Variants in TBX4 observed in about 807,000 individuals in gnomAD.
The protein encoded by TBX4 is T-box transcription factor 4.
A neutral mutation model predicts 54.6 loss-of-function variants in TBX4; 13 were observed. The ratio of observed to expected loss-of-function variants is 0.24; its 90% CI spans 0.15 to 0.38. The LOEUF (loss-of-function observed/expected upper bound fraction) is 0.38. Among genes scored for constraint, TBX4 ranks in the 10% least tolerant of loss-of-function variants. TBX4 has a pLI of 1.00. For synonymous variants in TBX4, 314 were observed against 306.7 expected (o/e 1.02, Z -0.25); for missense variants, 631 against 728.5 (o/e 0.87, Z 1.54).
At position 61,452,429 on chromosome 17, in the gene TBX4, G is replaced by A. The variant is rs910009850; in HGVS notation, c.-152G>A. On this transcript the variant is annotated 5_prime_UTR_variant, in exon 1 of 9. Coordinates refer to ENST00000644296, the MANE Select transcript of TBX4 (RefSeq NM_001321120.2). Reference sequence around the variant, plus strand: ...AGATCAAGGGCCCGCTCCAGAGCCGGGATGTGTCCAGCCCCGAGGGCACGG... The same window carrying A: ...AGATCAAGGGCCCGCTCCAGAGCCGAGATGTGTCCAGCCCCGAGGGCACGG... 1 of 152,348 alleles carries A rather than the reference G, an allele frequency of 6.6e-6. No individual in the cohort carries two copies. The highest frequency in any genetic ancestry group is 2.4e-5 in the African/African-American group (1 of 41,454). 9.4% of individuals were successfully genotyped at this position (152,348 alleles called of 1,614,324 possible). A position where few individuals can be genotyped will look rare whatever the true frequency, so the allele number is the denominator to read the frequency against.
At chr17:61,467,699 G>T in intron 5 of TBX4, 42 bp downstream of exon 5, 2 of 1,613,514 alleles carry the variant, frequency 1.2e-6, no homozygotes, top group Non-Finnish European at 1.7e-6. Context: ...CAAGTCTGGG[G>T]CAGTTTTAGG....
At chr17:61,454,870 G>A (rs1308532537) in intron 1 of TBX4, among the ~76,000 whole-genome samples, 5 of 152,228 alleles carry the variant, frequency 3.3e-5, no homozygotes. Flanking sequence ...CCCGCAGGCC[G>A]CCACATCTGG....
chr17:61,473,510 AG>A (rs2060596028), intron 5 of TBX4, among the ~76,000 whole-genome samples: 1 of 152,228 alleles, frequency 6.6e-6, no homozygotes, highest in Non-Finnish European at 1.5e-5. Context: ...CTAATCTGCC[AG>A]TGGGGACCCA....
In TBX4 at chr17:61,476,550, C is replaced by T. The variant is rs1000024485; in HGVS notation, c.550-2077C>T. ...GGTGTTTTCCAGGCCCAGTTCCTCTCGCCACAGGAGCATCCCCAGCGTCCT... is the reference window on the plus strand; with the variant it reads ...GGTGTTTTCCAGGCCCAGTTCCTCTTGCCACAGGAGCATCCCCAGCGTCCT... On this transcript the variant is annotated intron_variant, in intron 5 of 8. Coordinates refer to ENST00000644296, the MANE Select transcript of TBX4 (RefSeq NM_001321120.2). The surrounding 1 kb of genome is among the most constrained non-coding windows in gnomAD (Gnocchi z 6.5). Among the ~76,000 whole-genome samples, 8 of 152,200 alleles carry T rather than the reference C, an allele frequency of 5.3e-5. No individual in the cohort carries two copies. The highest frequency in any genetic ancestry group is 1.3e-4 in the Admixed American group (2 of 15,292).
intron 5 of TBX4, among the ~76,000 whole-genome samples, chr17:61,477,153 G>A (rs2060626172): frequency 6.6e-6 from 1 of 152,238 alleles, no homozygotes; most frequent in African/African-American, 2.4e-5. Flanking sequence ...GGACCCGAGG[G>A]CCCGCCTGGC....
Position 61,483,581 on chromosome 17 carries a change from G to GC in TBX4, c.*66dup, listed in dbSNP as rs2060682103. The GC allele has an allele frequency of 1.9e-6, 3 of 1,600,618 alleles. No homozygotes were observed. In the South Asian group the frequency reaches 3.3e-5, roughly 18 times the overall value. On this transcript the variant is annotated 3_prime_UTR_variant, in exon 9 of 9. Coordinates refer to ENST00000644296, the MANE Select transcript of TBX4 (RefSeq NM_001321120.2). This position sits in a 1 kb window ranked among gnomAD's most constrained non-coding sequence, Gnocchi z 6.6. The stretch of plus-strand genomic sequence containing the variant: ...CAGTATTAACCTCTGTGGGTGGCCT[G>GC]CACTCTACCAAGAAACACAGGAAGG...
Position 61,483,501 on chromosome 17 carries a change from C to G in TBX4, c.1626C>G (p.Asn542Lys). 6.2e-7 allele frequency: 1 copy of G among 1,614,154 alleles called. No individual in the cohort carries two copies. Among genetic ancestry groups the G allele is most frequent in the Non-Finnish European group, 8.5e-7 (1 of 1,180,040 alleles). Residue 542 changes from asparagine (N) to lysine (K), a missense_variant, in exon 9 of 9, where the codon AAC becomes AAG. Asn to Lys is a moderately conservative substitution (Grantham distance 94). Around this residue, in one of 3 missense-constraint regions of TBX4, gnomAD observed 354 missense variants for 368.9 expected, o/e 0.96. Transcript: ENST00000644296. This position sits in a 1 kb window ranked among gnomAD's most constrained non-coding sequence, Gnocchi z 6.6. ...ATTCAGGAATGGGGACTGTGGAGAA[C>G]TGGACTGACGGATGACTCTCACGTC... ...QYHSGMGTVE[N>K]WTDG
At position 61,475,321 on chromosome 17, in the gene TBX4, T is replaced by C. The variant is rs17601584; in HGVS notation, c.550-3306T>C. On this transcript the variant is annotated intron_variant, in intron 5 of 8. Transcript: ENST00000644296. The surrounding 1 kb of genome is among the most constrained non-coding windows in gnomAD (Gnocchi z 5.0). ...TACATAAGGCATTTACTGAGCCCCA[T>C]ATACTGGCAGCAGTGGTAGGAGGGG... Among the ~76,000 whole-genome samples the C allele has an allele frequency of 0.2, 30,909 of 152,156 alleles. 3,312 individuals are homozygous for C. Among genetic ancestry groups the C allele is most frequent in the Middle Eastern group, 0.23 (68 of 294 alleles).
intron 5 of TBX4, among the ~76,000 whole-genome samples, chr17:61,471,523 G>A (rs1168186202): frequency 6.7e-6 from 1 of 149,960 alleles, no homozygotes; most frequent in Non-Finnish European, 1.5e-5. Context: ...GGCAACCATG[G>A]CTACCAATTT....
Position 61,459,475 on chromosome 17 carries a change from C to T in TBX4, c.281+1844C>T, listed in dbSNP as rs962402677. On this transcript the variant is annotated intron_variant, in intron 3 of 8. Transcript: ENST00000644296. The surrounding 1 kb of genome is among the most constrained non-coding windows in gnomAD (Gnocchi z 4.8). ...GCCATTTTTAGGCAGCAGAAATAAC[C>T]TTGTCTCTTGAAAATAACTGGCCAG... is the stretch of plus-strand genomic sequence containing the variant. 1.3e-5 allele frequency among the ~76,000 whole-genome samples: 2 copies of T among 152,178 alleles called. No homozygotes were observed. The highest frequency in any genetic ancestry group is 4.8e-5 in the African/African-American group (2 of 41,440).
intron 1 of TBX4, among the ~76,000 whole-genome samples, chr17:61,455,372 AGCTCCGCTG>A (rs1473649306): frequency 6.6e-6 from 1 of 152,196 alleles, no homozygotes; most frequent in Non-Finnish European, 1.5e-5. Context: ...ACCTACAGAA[AGCTCCGCTG>A]GAGCGCCCAG....
Position 61,478,841 on chromosome 17 carries a change from C to CAGGCAGAG in TBX4, c.702+71_702+78dup, listed in dbSNP as rs2060641377. Reference sequence around the variant, plus strand: ...AACACCACCCTGCGTTCTCTTCCACCAGGCAGAGAGGCAGAGTGTGAAGCC... The same window carrying CAGGCAGAG: ...AACACCACCCTGCGTTCTCTTCCACCAGGCAGAGAGGCAGAGAGGCAGAGTGTGAAGCC... On this transcript the variant is annotated intron_variant, in intron 6 of 8. Transcript: ENST00000644296. The surrounding 1 kb of genome is among the most constrained non-coding windows in gnomAD (Gnocchi z 7.4). 13 of 1,611,136 alleles carry CAGGCAGAG rather than the reference C, an allele frequency of 8.1e-6. No individual in the cohort carries two copies. In the South Asian group the frequency reaches 1.1e-4, roughly 14 times the overall value.
chr17:61,455,387 C>T (rs1012161783), intron 1 of TBX4, among the ~76,000 whole-genome samples: 3 of 152,216 alleles, frequency 2.0e-5, no homozygotes, highest in Admixed American at 2.0e-4. Context: ...CGCTGGAGCG[C>T]CCAGGTCCAG....
chr17:61,478,629 C>A lies in TBX4; in HGVS notation c.552C>A (p.Ile184=). Residue 184 remains isoleucine (I), a splice_region_variant and synonymous_variant, in exon 6 of 9, where the codon ATC becomes ATA. Transcript: ENST00000644296. The surrounding 1 kb of genome is among the most constrained non-coding windows in gnomAD (Gnocchi z 7.4). The part of the protein sequence containing the change: ...TNNHLDPFGH[I]ILNSMHKYQP... The stretch of plus-strand genomic sequence containing the variant: ...AGCATGAGACCCTTCTCTTCCAGAT[C>A]ATCCTCAACTCTATGCACAAGTACC... 6.2e-7 allele frequency: 1 copy of A among 1,614,204 alleles called. No individual in the cohort carries two copies. The highest frequency in any genetic ancestry group is 8.5e-7 in the Non-Finnish European group (1 of 1,180,024).
intron 5 of TBX4, among the ~76,000 whole-genome samples, chr17:61,473,719 ACCCTCAGT>A (rs1413737616): frequency 6.6e-6 from 1 of 152,182 alleles, no homozygotes; most frequent in Non-Finnish European, 1.5e-5. Context: ...CACCTCCCTG[ACCCTCAGT>A]CCCTTGCCTG....
At chr17:61,463,035 G>T (rs1323639902) in intron 3 of TBX4, 1 of 152,374 alleles carries the variant, frequency 6.6e-6, no homozygotes, top group Non-Finnish European at 1.5e-5. Flanking sequence ...AGGGGACAGA[G>T]GGGGCCTCAC....
intron 1 of TBX4, among the ~76,000 whole-genome samples, chr17:61,455,986 C>T (rs553348790): frequency 1.3e-5 from 2 of 152,284 alleles, no homozygotes; most frequent in Admixed American, 1.3e-4. Context: ...GGTCCTGAGG[C>T]CCTCTCTGCA....
Position 61,479,991 on chromosome 17 carries a change from G to C in TBX4, c.791+22G>C, listed in dbSNP as rs2060651767. The C allele has an allele frequency of 6.2e-7, 1 of 1,613,656 alleles. No homozygotes were observed. The highest frequency in any genetic ancestry group is 1.7e-5 in the Admixed American group (1 of 60,002). Reference sequence around the variant, plus strand: ...AGAGGTGGGGCTGCGTAGCCTGGGGGTGGGGCGGGCAGATGGGATTCAGGC... The same window carrying C: ...AGAGGTGGGGCTGCGTAGCCTGGGGCTGGGGCGGGCAGATGGGATTCAGGC... On this transcript the variant is annotated intron_variant, in intron 7 of 8. Transcript: ENST00000644296. The surrounding 1 kb of genome is among the most constrained non-coding windows in gnomAD (Gnocchi z 6.1).
chr17:61,479,782 G>A lies in TBX4; in HGVS notation c.703-99G>A, dbSNP rs1206937716. The A allele has an allele frequency of 6.4e-6, 8 of 1,253,334 alleles. No individual in the cohort carries two copies. Among genetic ancestry groups the A allele is most frequent in the African/African-American group, 1.5e-5 (1 of 67,784 alleles). The allele number at this position is 1,253,334 out of a possible 1,614,324, so 77.6% of individuals were successfully genotyped here. The stretch of plus-strand genomic sequence containing the variant: ...GGTGAGGCTGGAGAGCGACCCCTGA[G>A]GGAGGGAGGTTACATGTTATGATCC... On this transcript the variant is annotated intron_variant, in intron 6 of 8. Coordinates refer to ENST00000644296, the MANE Select transcript of TBX4 (RefSeq NM_001321120.2). This position sits in a 1 kb window ranked among gnomAD's most constrained non-coding sequence, Gnocchi z 6.1.
Sources: allele counts gnomAD v4.1 joint callset (sites outside exome capture counted in the v4.1 genomes callset), GRCh38; gene constraint gnomAD v4.1.1; regional missense constraint gnomAD v4.1.1; non-coding constraint Gnocchi (gnomAD v3.1); transcripts MANE v1.5; gene names NCBI Gene and HGNC (gene_info 2026-07-23, HGNC 2026-07-21).